ACHE: variants seen among roughly 807,000 people sequenced by gnomAD.
The protein encoded by ACHE is acetylcholinesterase.
A neutral mutation model predicts 53.9 loss-of-function variants in ACHE; 19 were observed. That is an observed-to-expected ratio of 0.35 (90% CI 0.25 to 0.52). The LOEUF is 0.52. ACHE is among the 20% of genes least tolerant of loss of function. The probability of loss-of-function intolerance (pLI) is 0.95; values close to 1 mark genes in which losing one functional copy is unlikely to be tolerated. For missense variants in ACHE, 605 were observed against 849.4 expected (o/e 0.71, Z 3.58); for synonymous variants, 392 against 378.1 (o/e 1.04, Z -0.43).
chr7:100,890,147 C>T lies in ACHE; in HGVS notation c.*67G>A. 1 of 1,582,090 alleles carries T rather than the reference C, an allele frequency of 6.3e-7. No individual in the cohort carries two copies. The highest frequency in any genetic ancestry group is 8.6e-7 in the Non-Finnish European group (1 of 1,157,722). The stretch of plus-strand genomic sequence containing the variant: ...GGGCTCGTCTGTGTTATAGCCCAGC[C>T]CTGAAATAAATAGTATATACAGCTA... On this transcript the variant is annotated 3_prime_UTR_variant, in exon 5 of 5. Coordinates refer to ENST00000241069, the MANE Select transcript of ACHE (RefSeq NM_000665.5).
chr7:100,892,406 C>T lies in ACHE; in HGVS notation c.1481G>A (p.Arg494Gln), dbSNP rs374462106. ...FIFGIPLDPS[R>Q]NYTAEEKIFA... The stretch of plus-strand genomic sequence containing the variant: ...GATTTTCTCCTCTGCCGTGTAGTTT[C>T]GAGAGGGGTCCAGGGGGATCCCAAA... Residue 494 changes from arginine to glutamine, a missense_variant, in exon 3 of 5, where the codon CGA becomes CAA. By Grantham distance (43) the Arg-to-Gln change is conservative. Around this residue, in one of 4 missense-constraint regions of ACHE, gnomAD observed 397 missense variants for 632.5 expected, o/e 0.63. Transcript: ENST00000241069. This position sits in a 1 kb window ranked among gnomAD's most constrained non-coding sequence, Gnocchi z 5.2. 37 of 1,518,270 alleles carry T rather than the reference C, an allele frequency of 2.4e-5. No individual in the cohort carries two copies. Among genetic ancestry groups the T allele is most frequent in the Admixed American group, 6.4e-5 (3 of 46,714 alleles). The allele number at this position is 1,518,270 out of a possible 1,614,324, so 94.0% of individuals were successfully genotyped here. A position where few individuals can be genotyped will look rare whatever the true frequency, so the allele number is the denominator to read the frequency against.
At chr7:100,890,496 T>C in intron 4 of ACHE, 161 bp from the exon 5 acceptor site, 3 of 1,439,336 alleles carry the variant, frequency 2.1e-6, no homozygotes, top group Non-Finnish European at 2.7e-6. Flanking sequence ...CAGGAGAATG[T>C]GCGAAAGACG....
At position 100,894,248 on chromosome 7, in the gene ACHE, G is replaced by T; in HGVS notation, c.-16C>A. On this transcript the variant is annotated 5_prime_UTR_variant, in exon 2 of 5. Transcript: ENST00000241069. ...GGGGCCTCATGGCTGCAGGGCAGGC[G>T]GCGTCTGCTGGGAGAAAGAAAGGGA... 1 of 1,426,228 alleles carries T rather than the reference G, an allele frequency of 7.0e-7. No homozygotes were observed. The highest frequency in any genetic ancestry group is 2.6e-5 in the East Asian group (1 of 39,136). The allele number at this position is 1,426,228 out of a possible 1,614,324, so 88.3% of individuals were successfully genotyped here. A position where few individuals can be genotyped will look rare whatever the true frequency, so the allele number is the denominator to read the frequency against.
At chr7:100,890,832 G>A in intron 4 of ACHE, 1 of 1,420,888 alleles carries the variant, frequency 7.0e-7, no homozygotes, top group Non-Finnish European at 9.2e-7. Context: ...GCCCTGTCCA[G>A]TGTGAGTCTC....
In ACHE at chr7:100,891,275, C is replaced by T; in HGVS notation, c.1617G>A (p.Gln539=). The T allele has an allele frequency of 6.2e-7, 1 of 1,608,788 alleles. No homozygotes were observed. The highest frequency in any genetic ancestry group is 8.5e-7 in the Non-Finnish European group (1 of 1,178,616). ...PQWPPYTAGA[Q]QYVSLDLRPL... Reference sequence around the variant, plus strand: ...GCCGCAGGTCCAGACTAACGTACTGCTGAGCCCCCGCCGTGTACGGGGGCC... The same window carrying T: ...GCCGCAGGTCCAGACTAACGTACTGTTGAGCCCCCGCCGTGTACGGGGGCC... The change falls in exon 4 of 5, where the codon CAG becomes CAA. Residue 539 remains glutamine (Q), a synonymous_variant. Transcript: ENST00000241069.
At chr7:100,891,446 G>T in intron 3 of ACHE, 108 bp from the exon 4 acceptor site, 1 of 1,125,332 alleles carries the variant, frequency 8.9e-7, no homozygotes, top group Non-Finnish European at 1.2e-6. Context: ...CAGAGAACCC[G>T]TCCCCTCCCT....
Position 100,892,744 on chromosome 7 carries a change from G to A in ACHE, c.1143C>T (p.Asn381=), listed in dbSNP as rs747407216. 11 of 1,612,514 alleles carry A rather than the reference G, an allele frequency of 6.8e-6. No homozygotes were observed. The highest frequency in any genetic ancestry group is 2.2e-5 in the East Asian group (1 of 44,854). ...VYGAPGFSKD[N]ESLISRAEFL... is the part of the protein sequence containing the mutation. ...ACTCGGCCCGGCTGATGAGAGACTC[G>A]TTGTCTTTGCTGAAGCCTGGGGCCC... is the stretch of plus-strand genomic sequence containing the variant. Residue 381 remains asparagine (N), a synonymous_variant, in exon 3 of 5, where the codon AAC becomes AAT. Coordinates refer to ENST00000241069, the MANE Select transcript of ACHE (RefSeq NM_000665.5). This position sits in a 1 kb window ranked among gnomAD's most constrained non-coding sequence, Gnocchi z 5.2.
At chr7:100,893,044 A>T in intron 2 of ACHE, 121 bp downstream of exon 2, 1 of 1,270,124 alleles carries the variant, frequency 7.9e-7, no homozygotes, top group Non-Finnish European at 1.1e-6. Flanking sequence ...GCCCTCAGGG[A>T]GGACTTCTGG....
intron 1 of ACHE, among the ~76,000 whole-genome samples, chr7:100,895,054 T>C (rs949532078): frequency 1.3e-5 from 2 of 151,734 alleles, no homozygotes; most frequent in African/African-American, 4.8e-5. Flanking sequence ...CTCGAGGGCC[T>C]TGCAGAGCCG....
In ACHE at chr7:100,892,161, GTC is replaced by G. The variant is rs1790737827; in HGVS notation, c.1553+171_1553+172del. Among the ~76,000 whole-genome samples the G allele has an allele frequency of 6.6e-6, 1 of 151,244 alleles. No individual in the cohort carries two copies. The highest frequency in any genetic ancestry group is 2.4e-5 in the African/African-American group (1 of 41,078). On this transcript the variant is annotated intron_variant, in intron 3 of 4. Coordinates refer to ENST00000241069, the MANE Select transcript of ACHE (RefSeq NM_000665.5). This position sits in a 1 kb window ranked among gnomAD's most constrained non-coding sequence, Gnocchi z 5.2. ...CTGCAAGACCCCCTCTGCCTTCTCT[GTC>G]TCCTTTCTTTTTCTCTCCCCTTTTA...
chr7:100,890,113 CAG>C lies in ACHE; in HGVS notation c.*99_*100del. 1 of 1,455,196 alleles carries C rather than the reference CAG, an allele frequency of 6.9e-7. No homozygotes were observed. The highest frequency in any genetic ancestry group is 1.3e-5 in the South Asian group (1 of 75,440). 90.1% of individuals were successfully genotyped at this position (1,455,196 alleles called of 1,614,324 possible). ...GACGTCGGGGTGGGGTGGGGATGGG[CAG>C]AGTCTGGGGCTCGTCTGTGTTATAG... On this transcript the variant is annotated 3_prime_UTR_variant, in exon 5 of 5. Transcript: ENST00000241069.
chr7:100,895,212 C>G lies in ACHE; in HGVS notation c.-21+590G>C, dbSNP rs17883799. Among the ~76,000 whole-genome samples the G allele has an allele frequency of 4.8e-3, 726 of 152,302 alleles. 4 individuals carry two copies. Among genetic ancestry groups the G allele is most frequent in the Non-Finnish European group, 6.1e-3 (413 of 68,010 alleles). On this transcript the variant is annotated intron_variant, in intron 1 of 4. Transcript: ENST00000241069. ...AAATTCCCCGGGTGGGAACTCCCCC[C>G]TCTCCCGCCGGTCACTCCTAGCCCA...
rs1363919098 is a variant in ACHE, at chr7:100,892,058, A to ACCAC, written c.1553+275_1553+276insGTGG. On this transcript the variant is annotated intron_variant, in intron 3 of 4. Coordinates refer to ENST00000241069, the MANE Select transcript of ACHE (RefSeq NM_000665.5). The surrounding 1 kb of genome is among the most constrained non-coding windows in gnomAD (Gnocchi z 5.2). ...CCACCTTGGCCTCCCAAAGGGCTGG[A>ACCAC]ATTACAGGGGTGAGCCACTGTGCCC... Among the ~76,000 whole-genome samples, 2 of 151,692 alleles carry ACCAC rather than the reference A, an allele frequency of 1.3e-5. No individual in the cohort carries two copies. Among genetic ancestry groups the ACCAC allele is most frequent in the Non-Finnish European group, 2.9e-5 (2 of 67,902 alleles).
rs1168530336 is a variant in ACHE, at chr7:100,893,736, C to T, written c.497G>A (p.Gly166Asp). ...CCTCTCGGCCTGTACCAAGAAGCGGCCATCGTACACGTCCAAGGAGGAGGC... is the reference window on the plus strand; with the variant it reads ...CCTCTCGGCCTGTACCAAGAAGCGGTCATCGTACACGTCCAAGGAGGAGGC... ...SGASSLDVYD[G>D]RFLVQAERTV... is the part of the protein sequence containing the mutation. Residue 166 changes from glycine to aspartate, a missense_variant, in exon 2 of 5, where the codon GGC becomes GAC. Transcript: ENST00000241069. The T allele has an allele frequency of 6.2e-7, 1 of 1,613,614 alleles. No homozygotes were observed. Among genetic ancestry groups the T allele is most frequent in the South Asian group, 1.1e-5 (1 of 91,088 alleles).
At position 100,895,818 on chromosome 7, in the gene ACHE, G is replaced by A. The variant is rs1372174708; in HGVS notation, c.-37C>T. On this transcript the variant is annotated 5_prime_UTR_variant, in exon 1 of 5. Transcript: ENST00000241069. The stretch of plus-strand genomic sequence containing the variant: ...GAGACTCACCTGAGGCGGCCGAGCC[G>A]GGCCGGGCCGGGCCGCGCCGGGAGC... 4 of 152,044 alleles carry A rather than the reference G, an allele frequency of 2.6e-5. No individual in the cohort carries two copies. The highest frequency in any genetic ancestry group is 2.0e-4 in the Admixed American group (3 of 15,278). The allele number at this position is 152,044 out of a possible 1,614,324, so 9.4% of individuals were successfully genotyped here. A position where few individuals can be genotyped will look rare whatever the true frequency, so the allele number is the denominator to read the frequency against.
rs535618245 is a variant in ACHE at position 100,892,539 on chromosome 7, C to G, written c.1348G>C (p.Ala450Pro). 6.2e-7 allele frequency: 1 copy of G among 1,609,944 alleles called. No individual in the cohort carries two copies. Among genetic ancestry groups the G allele is most frequent in the Non-Finnish European group, 8.5e-7 (1 of 1,177,202 alleles). ...CPVAQLAGRLAAQGARVYAYV... is the reference protein window; with the variant it reads ...CPVAQLAGRLPAQGARVYAYV... ...GCGTAGACCCGGGCACCCTGGGCAG[C>G]CAGTCGCCCAGCCAGCTGGGCCACG... The change falls in exon 3 of 5, where the codon GCT (alanine) becomes CCT (proline). Residue 450 changes from alanine (A) to proline (P), a missense_variant. By Grantham distance (27) the Ala-to-Pro change is conservative. Coordinates refer to ENST00000241069, the MANE Select transcript of ACHE (RefSeq NM_000665.5). This position sits in a 1 kb window ranked among gnomAD's most constrained non-coding sequence, Gnocchi z 5.2.
In ACHE at chr7:100,892,831, G is replaced by A; in HGVS notation, c.1069-13C>T. On this transcript the variant is annotated splice_polypyrimidine_tract_variant and intron_variant, in intron 2 of 4. Transcript: ENST00000241069. The surrounding 1 kb of genome is among the most constrained non-coding windows in gnomAD (Gnocchi z 5.2). ...CACCCACCAGCACCTGGGGGTGAGG[G>A]AGAGGGGGGTGGGATGGAGCGACAG... The A allele has an allele frequency of 6.4e-7, 1 of 1,561,552 alleles. No individual in the cohort carries two copies. The highest frequency in any genetic ancestry group is 8.6e-7 in the Non-Finnish European group (1 of 1,156,416).
At chr7:100,890,410 G>A (rs1036667328) in intron 4 of ACHE, 75 bp from the exon 5 acceptor site, 5 of 1,547,346 alleles carry the variant, frequency 3.2e-6, no homozygotes, top group Admixed American at 1.9e-5. Context: ...ATTTGGGCGG[G>A]TTGAAGGGGG....
chr7:100,893,118 G>T (rs747317292), intron 2 of ACHE, 47 bp downstream of exon 2: 2 of 1,580,616 alleles, frequency 1.3e-6, no homozygotes, highest in South Asian at 2.3e-5. Context: ...GGGAGGGACC[G>T]TTGGGACCCA....
Sources: allele counts gnomAD v4.1 joint callset (sites outside exome capture counted in the v4.1 genomes callset), GRCh38; gene constraint gnomAD v4.1.1; regional missense constraint gnomAD v4.1.1; non-coding constraint Gnocchi (gnomAD v3.1); transcripts MANE v1.5; gene names NCBI Gene and HGNC (gene_info 2026-07-23, HGNC 2026-07-21).